The following SEPTIN9 variants were observed in gnomAD, a reference collection of about 807,000 sequenced individuals.
SEPTIN9 encodes septin 9, also known as septin-9.
Under a neutral mutation model 56.6 loss-of-function variants are expected in SEPTIN9, and 13 were observed. The observed-to-expected ratio is 0.23, with a 90% CI of 0.15 to 0.37. The LOEUF is 0.37. Among genes scored for constraint, SEPTIN9 ranks in the 10% least tolerant of loss-of-function variants. The pLI is 1.00. For missense variants in SEPTIN9, 650 were observed against 823.1 expected (o/e 0.79, Z 2.57); for synonymous variants, 332 against 334.1 (o/e 0.99, Z 0.07).
chr17:77,463,845 A>AAAAT (rs1018222072), intron 3 of SEPTIN9, among the ~76,000 whole-genome samples: 26 of 152,108 alleles, frequency 1.7e-4, no homozygotes, highest in Admixed American at 5.9e-4. Flanking sequence ...TCCATCTCAA[A>AAAAT]AAATAAATAA....
chr17:77,340,600 C>T (rs957659931), intron 2 of SEPTIN9, among the ~76,000 whole-genome samples: 40 of 152,322 alleles, frequency 2.6e-4, no homozygotes, highest in African/African-American at 9.1e-4. Flanking sequence ...CTTTAACTTA[C>T]GGTCAACAGC....
intron 2 of SEPTIN9, among the ~76,000 whole-genome samples, chr17:77,365,038 G>T (rs779315341): frequency 3.0e-4 from 45 of 152,202 alleles, no homozygotes; most frequent in Non-Finnish European, 5.1e-4. Context: ...CAGAAGAGAC[G>T]ATGTCCCCAG....
intron 2 of SEPTIN9, chr17:77,373,459 G>GCCGCTGCCCTCCGCGCGAC (rs1298410619): frequency 6.7e-7 from 1 of 1,496,650 alleles, no homozygotes. Flanking sequence ...GCGCTTCCTC[G>GCCGCTGCCCTCCGCGCGAC]CCGCTGCCCT....
At chr17:77,477,251 T>A (rs572255478) in intron 3 of SEPTIN9, among the ~76,000 whole-genome samples, 1 of 152,216 alleles carries the variant, frequency 6.6e-6, no homozygotes, top group South Asian at 2.1e-4. Context: ...GCATCACCTC[T>A]AATTCCAGAA....
intron 2 of SEPTIN9, among the ~76,000 whole-genome samples, chr17:77,344,561 T>C (rs934831599): frequency 6.6e-6 from 1 of 152,248 alleles, no homozygotes; most frequent in Non-Finnish European, 1.5e-5. Flanking sequence ...TACATTCTTG[T>C]TTGTAGCAGC....
chr17:77,450,741 G>A lies in SEPTIN9; in HGVS notation c.722-31403G>A, dbSNP rs999445565. On this transcript the variant is annotated intron_variant, in intron 3 of 11. Coordinates refer to ENST00000427177, the MANE Select transcript of SEPTIN9 (RefSeq NM_001113491.2). The surrounding 1 kb of genome is among the most constrained non-coding windows in gnomAD (Gnocchi z 6.0). ...GGCTGGAGAGGCTGGAGAGGCAGGA[G>A]CTGGATCAGATCTGAATCCAGAGGC... 3 of 986,184 alleles carry A rather than the reference G, an allele frequency of 3.0e-6. No homozygotes were observed. The highest frequency in any genetic ancestry group is 4.7e-5 in the South Asian group (1 of 21,322). 61.1% of individuals were successfully genotyped at this position (986,184 alleles called of 1,614,324 possible).
chr17:77,485,909 A>G (rs407228), intron 4 of SEPTIN9, among the ~76,000 whole-genome samples: 85,699 of 151,496 alleles, frequency 0.57, 25,319 homozygotes, highest in African/African-American at 0.76. Flanking sequence ...CATGGTCTTG[A>G]CTCACTGCAG....
intron 2 of SEPTIN9, among the ~76,000 whole-genome samples, chr17:77,315,456 T>C (rs1236379815): frequency 6.6e-6 from 1 of 152,036 alleles, no homozygotes; most frequent in African/African-American, 2.4e-5. Context: ...CCCAGCTAAT[T>C]TTTGTATTTT....
At chr17:77,455,266 G>A (rs1288853494) in intron 3 of SEPTIN9, among the ~76,000 whole-genome samples, 1 of 152,154 alleles carries the variant, frequency 6.6e-6, no homozygotes, top group South Asian at 2.1e-4. Context: ...GGGGACTGAC[G>A]TTGATGGAGT....
At chr17:77,465,511 G>T (rs114621159) in intron 3 of SEPTIN9, among the ~76,000 whole-genome samples, 3,476 of 152,006 alleles carry the variant, frequency 0.023, 109 homozygotes, top group South Asian at 0.098. Context: ...TGTCTCGCCG[G>T]CACCGGGCAC....
chr17:77,377,718 C>T (rs535318546), intron 2 of SEPTIN9, among the ~76,000 whole-genome samples: 7 of 152,264 alleles, frequency 4.6e-5, no homozygotes, highest in South Asian at 2.1e-4. Context: ...GGAGCTGGCG[C>T]GCTGGCAGGA....
intron 2 of SEPTIN9, among the ~76,000 whole-genome samples, chr17:77,380,703 G>T (rs1363001258): frequency 6.6e-6 from 1 of 152,130 alleles, no homozygotes; most frequent in Admixed American, 6.5e-5. Context: ...CCAAGCTCTG[G>T]TCACAGCCTC....
chr17:77,294,009 T>G (rs1325831214), intron 1 of SEPTIN9, among the ~76,000 whole-genome samples: 1 of 147,108 alleles, frequency 6.8e-6, no homozygotes, highest in Non-Finnish European at 1.5e-5. Context: ...GAGGCTGAGG[T>G]GGGAGGATTG....
intron 3 of SEPTIN9, among the ~76,000 whole-genome samples, chr17:77,412,115 G>C (rs1285290645): frequency 2.1e-5 from 3 of 143,530 alleles, no homozygotes; most frequent in African/African-American, 5.3e-5. Context: ...GGGTGACAGA[G>C]CGAGACTCCC....
At chr17:77,284,121 G>A (rs1040371729) in intron 1 of SEPTIN9, among the ~76,000 whole-genome samples, 2 of 152,126 alleles carry the variant, frequency 1.3e-5, no homozygotes, top group African/African-American at 2.4e-5. Context: ...CACGAGGATC[G>A]CTTGAGCCCA....
rs1189153330 is a variant in SEPTIN9, at chr17:77,450,247, G to A, written c.722-31897G>A. 6.6e-6 allele frequency among the ~76,000 whole-genome samples: 1 copy of A among 152,056 alleles called. No individual in the cohort carries two copies. Among genetic ancestry groups the A allele is most frequent in the African/African-American group, 2.4e-5 (1 of 41,386 alleles). ...CGTGGCTGGCCTGTTTGGCCAGTGT[G>A]GCGGGTGCCCCGGGGCTTCAGTCAC... On this transcript the variant is annotated intron_variant, in intron 3 of 11. Transcript: ENST00000427177. The surrounding 1 kb of genome is among the most constrained non-coding windows in gnomAD (Gnocchi z 6.0).
Position 77,402,803 on chromosome 17 carries a change from G to GCACCCTCCACCCC in SEPTIN9, c.721+100_721+101insCACCCTCCACCCC. 1 of 1,288,224 alleles carries GCACCCTCCACCCC rather than the reference G, an allele frequency of 7.8e-7. No homozygotes were observed. Among genetic ancestry groups the GCACCCTCCACCCC allele is most frequent in the Non-Finnish European group, 1.1e-6 (1 of 948,662 alleles). The allele number at this position is 1,288,224 out of a possible 1,614,324, so 79.8% of individuals were successfully genotyped here. On this transcript the variant is annotated intron_variant, in intron 3 of 11. Coordinates refer to ENST00000427177, the MANE Select transcript of SEPTIN9 (RefSeq NM_001113491.2). The surrounding 1 kb of genome is among the most constrained non-coding windows in gnomAD (Gnocchi z 6.6). ...GGAGGAAGAAGCTGGATATGGGGTG[G>GCACCCTCCACCCC]AGGGTGCTACCCTGGAGACCCAGAA... is the stretch of plus-strand genomic sequence containing the variant.
intron 3 of SEPTIN9, 119 bp from the exon 4 acceptor site, chr17:77,482,025 G>A: frequency 1.0e-6 from 1 of 988,362 alleles, no homozygotes. Context: ...AAGTCGCTTA[G>A]CCTTTCTGAG....
intron 1 of SEPTIN9, 79 bp from the exon 2 acceptor site, chr17:77,307,062 A>G (rs891395901): frequency 7.5e-7 from 1 of 1,328,668 alleles, no homozygotes; most frequent in Non-Finnish European, 1.1e-6. Context: ...AGGCGAGGAC[A>G]TTCCTGGTGT....
Sources: allele counts gnomAD v4.1 joint callset (sites outside exome capture counted in the v4.1 genomes callset), GRCh38; gene constraint gnomAD v4.1.1; non-coding constraint Gnocchi (gnomAD v3.1); transcripts MANE v1.5; gene names NCBI Gene and HGNC (gene_info 2026-07-23, HGNC 2026-07-21).